Variants in KCNH1 observed in about 807,000 individuals in gnomAD.
KCNH1 encodes the protein voltage-gated delayed rectifier potassium channel KCNH1.
KCNH1 carries 27 observed loss-of-function variants against 69.2 expected under a neutral mutation model. That is an observed-to-expected ratio of 0.39 (90% CI 0.29 to 0.54). The LOEUF (loss-of-function observed/expected upper bound fraction) is 0.54, where lower values mean the gene tolerates loss of function less well. Among genes scored for constraint, KCNH1 ranks in the 20% least tolerant of loss-of-function variants. KCNH1 has a pLI of 0.68. For missense variants in KCNH1, 798 were observed against 1,261.6 expected, an observed-to-expected ratio of 0.63 and a Z score of 5.57; for synonymous variants, 456 against 487.7, an observed-to-expected ratio of 0.93 and a Z score of 0.86.
chr1:211,081,189 T>A (rs1349926403), intron 5 of KCNH1, among the ~76,000 whole-genome samples: 1 of 152,204 alleles, frequency 6.6e-6, no homozygotes, highest in Admixed American at 6.5e-5. Context: ...AACGAAGACA[T>A]TTATGCAGCC....
rs776751947 is a variant in KCNH1 at position 210,859,559 on chromosome 1, C to T, written c.1463-55393G>A. 89 of 1,576,290 alleles carry T rather than the reference C, an allele frequency of 5.6e-5. No homozygotes were observed. In the Middle Eastern group the frequency reaches 1.5e-3, roughly 26 times the overall value. On this transcript the variant is annotated intron_variant, in intron 7 of 10. Coordinates refer to ENST00000271751, the MANE Select transcript of KCNH1 (RefSeq NM_172362.3). ...AGAATCTCCAAATATTCTTTCCCAT[C>T]TTCATCAATATCATCTTCATCACTC...
chr1:210,996,734 C>T (rs1162998681), intron 6 of KCNH1, among the ~76,000 whole-genome samples: 1 of 152,232 alleles, frequency 6.6e-6, no homozygotes, highest in Non-Finnish European at 1.5e-5. Flanking sequence ...AGGCACCCCC[C>T]AGTAGGGGCA....
rs1357820699 is a variant in KCNH1 at position 210,680,503 on chromosome 1, G to GATA, written c.*2775_*2777dup. ...TTCCCTAATCTCTCTCCAGCCACCA[G>GATA]ATAATGGTTTATACTGGAAGGCTCA... On this transcript the variant is annotated 3_prime_UTR_variant, in exon 11 of 11. Transcript: ENST00000271751. 6.6e-6 allele frequency: 1 copy of GATA among 152,136 alleles called. No homozygotes were observed. The highest frequency in any genetic ancestry group is 2.1e-4 in the South Asian group (1 of 4,820). The allele number at this position is 152,136 out of a possible 1,614,324, so 9.4% of individuals were successfully genotyped here. A position where few individuals can be genotyped will look rare whatever the true frequency, so the allele number is the denominator to read the frequency against.
intron 6 of KCNH1, among the ~76,000 whole-genome samples, chr1:210,948,455 G>A (rs79587485): frequency 0.027 from 4,107 of 152,212 alleles, 186 homozygotes; most frequent in African/African-American, 0.092. Context: ...TAGAGGGCCA[G>A]ACATCAGGCT....
chr1:210,901,135 A>G (rs1166545264), intron 7 of KCNH1, among the ~76,000 whole-genome samples: 2 of 151,774 alleles, frequency 1.3e-5, no homozygotes, highest in Non-Finnish European at 2.9e-5. Flanking sequence ...ACATATTTAA[A>G]CTCAAACTCA....
rs139073083 is a variant in KCNH1, at chr1:211,080,460, A to C, written c.558+2320T>G. Among the ~76,000 whole-genome samples, 412 of 152,354 alleles carry C rather than the reference A, an allele frequency of 2.7e-3. 1 individual carries two copies. The highest frequency in any genetic ancestry group is 9.5e-3 in the African/African-American group (397 of 41,578). On this transcript the variant is annotated intron_variant, in intron 5 of 10. Transcript: ENST00000271751. ...CAATGACTTTCTTCACAGAATTGGA[A>C]AAAACTACTTTAAAGTTCATGTGGA... is the stretch of plus-strand genomic sequence containing the variant.
In KCNH1 at chr1:210,996,510, C is replaced by T. The variant is rs545267953; in HGVS notation, c.1032+22273G>A. 3.2e-3 allele frequency among the ~76,000 whole-genome samples: 485 copies of T among 152,338 alleles called. 3 individuals carry two copies. Among genetic ancestry groups the T allele is most frequent in the Middle Eastern group, 0.014 (4 of 294 alleles). ...GAACCTCGAACTGGGTGGAGCCCACCACAGCTCAAGGAGGCCTGCCTGCCT... is the reference window on the plus strand; with the variant it reads ...GAACCTCGAACTGGGTGGAGCCCACTACAGCTCAAGGAGGCCTGCCTGCCT... On this transcript the variant is annotated intron_variant, in intron 6 of 10. Transcript: ENST00000271751.
At chr1:210,706,288 G>C (rs1218377853) in intron 10 of KCNH1, among the ~76,000 whole-genome samples, 1 of 152,190 alleles carries the variant, frequency 6.6e-6, no homozygotes, top group Non-Finnish European at 1.5e-5. Context: ...GCCTGGGTGG[G>C]GAGCATTCTA....
chr1:211,045,391 C>T (rs529314658), intron 5 of KCNH1, among the ~76,000 whole-genome samples: 2 of 151,848 alleles, frequency 1.3e-5, no homozygotes, highest in South Asian at 2.1e-4. Flanking sequence ...AACCAAACAC[C>T]ACCTGTTCCC....
Position 210,682,329 on chromosome 1 carries a change from TTGTG to T in KCNH1, c.*948_*951del, listed in dbSNP as rs1415173724. 1 of 151,998 alleles carries T rather than the reference TTGTG, an allele frequency of 6.6e-6. No individual in the cohort carries two copies. Among genetic ancestry groups the T allele is most frequent in the Non-Finnish European group, 1.5e-5 (1 of 68,036 alleles). 9.4% of individuals were successfully genotyped at this position (151,998 alleles called of 1,614,324 possible). ...CATAGCACTTGCTACAGTTCTGAGGTTGTGTGTGTCTGTGTGTCTGCTTTGTTAA... is the reference window on the plus strand; with the variant it reads ...CATAGCACTTGCTACAGTTCTGAGGTTGTGTCTGTGTGTCTGCTTTGTTAA... On this transcript the variant is annotated 3_prime_UTR_variant, in exon 11 of 11. Transcript: ENST00000271751.
At chr1:210,692,154 A>G (rs1216306569) in intron 10 of KCNH1, among the ~76,000 whole-genome samples, 3 of 152,226 alleles carry the variant, frequency 2.0e-5, no homozygotes, top group Non-Finnish European at 4.4e-5. Context: ...CTGACCCATC[A>G]GTGACATCCC....
chr1:210,823,642 T>C (rs1684976631), intron 7 of KCNH1, among the ~76,000 whole-genome samples: 1 of 152,198 alleles, frequency 6.6e-6, no homozygotes, highest in Non-Finnish European at 1.5e-5. Flanking sequence ...GCCAAGTATT[T>C]TAAGAGAGAT....
chr1:211,031,805 T>C (rs1689790476), intron 5 of KCNH1, among the ~76,000 whole-genome samples: 1 of 152,280 alleles, frequency 6.6e-6, no homozygotes, highest in South Asian at 2.1e-4. Context: ...GCCAATATCA[T>C]ACTGAATGGA....
intron 10 of KCNH1, among the ~76,000 whole-genome samples, chr1:210,759,002 A>G (rs1683456058): frequency 6.6e-6 from 1 of 152,184 alleles, no homozygotes; most frequent in South Asian, 2.1e-4. Flanking sequence ...GCACAAAACT[A>G]TGTGCAAACA....
At chr1:210,781,104 T>C (rs1683972044) in intron 9 of KCNH1, among the ~76,000 whole-genome samples, 2 of 152,188 alleles carry the variant, frequency 1.3e-5, no homozygotes, top group Non-Finnish European at 2.9e-5. Context: ...ACCCCTTATT[T>C]TGAATTATCT....
In KCNH1 at chr1:211,086,993, T is replaced by C. The variant is rs533771563; in HGVS notation, c.439+3569A>G. On this transcript the variant is annotated intron_variant, in intron 4 of 10. Transcript: ENST00000271751. ...TGTATAAAGAACCAAAAATCTAGAA[T>C]GGCTTCCTCAAGTAGCAGTCACTAA... 3.9e-5 allele frequency among the ~76,000 whole-genome samples: 6 copies of C among 152,268 alleles called. No homozygotes were observed. The East Asian group carries it at 1.2e-3, about 29-fold the overall frequency.
chr1:210,899,606 A>T (rs926185093), intron 7 of KCNH1, among the ~76,000 whole-genome samples: 1 of 152,192 alleles, frequency 6.6e-6, no homozygotes, highest in Non-Finnish European at 1.5e-5. Context: ...AAAAATGAGA[A>T]CCACTGATAT....
intron 4 of KCNH1, 35 bp downstream of exon 4, chr1:211,090,527 G>T (rs2102473042): frequency 1.3e-6 from 2 of 1,559,638 alleles, no homozygotes; most frequent in East Asian, 2.3e-5. Flanking sequence ...GACAAAAAAG[G>T]CATAAATGTA....
chr1:210,737,745 T>C (rs1682914875), intron 10 of KCNH1, among the ~76,000 whole-genome samples: 1 of 152,180 alleles, frequency 6.6e-6, no homozygotes, highest in South Asian at 2.1e-4. Flanking sequence ...CTGTCCACTC[T>C]CAAACACCCA....
Sources: allele counts gnomAD v4.1 joint callset (sites outside exome capture counted in the v4.1 genomes callset), GRCh38; gene constraint gnomAD v4.1.1; transcripts MANE v1.5; gene names NCBI Gene and HGNC (gene_info 2026-07-23, HGNC 2026-07-21).